Variants in TNNI3K observed in about 807,000 individuals in gnomAD.
TNNI3K encodes the protein serine/threonine-protein kinase TNNI3K.
Under a neutral mutation model 114.5 loss-of-function variants are expected in TNNI3K, and 140 were observed. The observed-to-expected ratio is 1.22, with a 90% CI of 1.07 to 1.41. The LOEUF is 1.41. Among genes scored for constraint, TNNI3K ranks in the 40% most tolerant of loss-of-function variants. The pLI is 0.00. For synonymous variants in TNNI3K, 347 were observed against 347.5 expected (o/e 1.00, Z 0.02); for missense variants, 1,125 against 1,007.6 (o/e 1.12, Z -1.58).
At position 74,303,494 on chromosome 1, in the gene TNNI3K, G is replaced by A. The variant is rs1557485465; in HGVS notation, c.445-27956G>A. ...TACTGAATATTTTAAGCCCACTGTT[G>A]AGACCCACTACTCAGGGAAAAAAAA... On this transcript the variant is annotated intron_variant, in intron 5 of 24. Coordinates refer to ENST00000326637, the MANE Select transcript of TNNI3K (RefSeq NM_015978.3). 3.3e-5 allele frequency among the ~76,000 whole-genome samples: 5 copies of A among 152,006 alleles called. No homozygotes were observed. In the South Asian group the frequency reaches 1.0e-3, roughly 32 times the overall value.
chr1:74,534,271 A>C (rs1040230394), intron 23 of TNNI3K, among the ~76,000 whole-genome samples: 1 of 152,120 alleles, frequency 6.6e-6, no homozygotes, highest in African/African-American at 2.4e-5. Flanking sequence ...TAATTCACCA[A>C]ATCAAAGTTC....
At chr1:74,380,098 C>T (rs1346827299) in intron 17 of TNNI3K, among the ~76,000 whole-genome samples, 1 of 152,122 alleles carries the variant, frequency 6.6e-6, no homozygotes, top group East Asian at 1.9e-4. Context: ...GACAAATTTA[C>T]CATCTCTTAC....
chr1:74,443,128 C>A (rs1382994668), intron 20 of TNNI3K, among the ~76,000 whole-genome samples: 1 of 151,958 alleles, frequency 6.6e-6, no homozygotes, highest in Non-Finnish European at 1.5e-5. Context: ...AAAACAACCA[C>A]CAAAGCTAGC....
chr1:74,274,214 A>T (rs1270291238), intron 5 of TNNI3K, among the ~76,000 whole-genome samples: 1 of 152,014 alleles, frequency 6.6e-6, no homozygotes, highest in African/African-American at 2.4e-5. Context: ...TAGAAAATAT[A>T]TTTACTATTT....
chr1:74,516,333 T>C (rs1431627516), intron 23 of TNNI3K, among the ~76,000 whole-genome samples: 1 of 152,210 alleles, frequency 6.6e-6, no homozygotes, highest in East Asian at 1.9e-4. Context: ...AATTTCTAGA[T>C]ATGTTGCTAA....
intron 7 of TNNI3K, among the ~76,000 whole-genome samples, chr1:74,337,398 T>C (rs1253448991): frequency 6.6e-6 from 1 of 151,930 alleles, no homozygotes; most frequent in Non-Finnish European, 1.5e-5. Context: ...CCATTGCTTT[T>C]GGTGTTTTAG....
intron 20 of TNNI3K, among the ~76,000 whole-genome samples, chr1:74,456,552 C>T (rs1460349569): frequency 6.6e-6 from 1 of 152,190 alleles, no homozygotes; most frequent in African/African-American, 2.4e-5. Context: ...ATGAATTAAT[C>T]CATCAATATG....
At chr1:74,439,659 A>T in intron 20 of TNNI3K, 37 bp downstream of exon 20, 1 of 1,607,336 alleles carries the variant, frequency 6.2e-7, no homozygotes, top group Non-Finnish European at 8.5e-7. Context: ...CCTGTTTTAC[A>T]GAGTTCACTG....
At chr1:74,396,960 T>C (rs1221656930) in intron 17 of TNNI3K, among the ~76,000 whole-genome samples, 2 of 151,962 alleles carry the variant, frequency 1.3e-5, no homozygotes, top group African/African-American at 2.4e-5. Context: ...GAGAAAACGA[T>C]TGAGGAATTA....
chr1:74,358,273 G>A (rs987093341), intron 11 of TNNI3K, among the ~76,000 whole-genome samples: 5 of 152,084 alleles, frequency 3.3e-5, no homozygotes, highest in Non-Finnish European at 7.4e-5. Context: ...TTTGTATACA[G>A]CAAAGGCGCC....
At chr1:74,315,941 G>T (rs1015298629) in intron 5 of TNNI3K, among the ~76,000 whole-genome samples, 2 of 152,204 alleles carry the variant, frequency 1.3e-5, no homozygotes, top group Non-Finnish European at 2.9e-5. Flanking sequence ...TAGGATAATT[G>T]TAGAAATTGA....
chr1:74,358,738 A>G (rs776348589), intron 11 of TNNI3K, among the ~76,000 whole-genome samples: 1 of 151,990 alleles, frequency 6.6e-6, no homozygotes, highest in Admixed American at 6.6e-5. Flanking sequence ...ATCTTCTTAC[A>G]TGTTTAGCTG....
At chr1:74,531,731 T>G (rs1024998471) in intron 23 of TNNI3K, among the ~76,000 whole-genome samples, 7 of 152,210 alleles carry the variant, frequency 4.6e-5, no homozygotes, top group African/African-American at 1.7e-4. Flanking sequence ...TCTGTTTAAG[T>G]ATTATTGTAT....
intron 18 of TNNI3K, 80 bp from the exon 19 acceptor site, chr1:74,436,394 G>A: frequency 1.4e-6 from 2 of 1,458,796 alleles, no homozygotes; most frequent in Non-Finnish European, 1.8e-6. Flanking sequence ...GTCTCTTGAG[G>A]TTTCAAAATT....
At chr1:74,446,656 G>GGGTTTTA (rs1262304129) in intron 20 of TNNI3K, among the ~76,000 whole-genome samples, 4 of 149,960 alleles carry the variant, frequency 2.7e-5, no homozygotes. Context: ...TTTTCTTCTA[G>GGGTTTTA]GGTTTTTATG....
At chr1:74,432,748 C>A (rs776802716) in intron 17 of TNNI3K, among the ~76,000 whole-genome samples, 8 of 151,964 alleles carry the variant, frequency 5.3e-5, no homozygotes, top group Middle Eastern at 3.2e-3. Flanking sequence ...AGCTGGTAGG[C>A]CTGACTTCAC....
chr1:74,504,945 C>T (rs1188755707), intron 23 of TNNI3K, among the ~76,000 whole-genome samples: 1 of 152,054 alleles, frequency 6.6e-6, no homozygotes, highest in Non-Finnish European at 1.5e-5. Context: ...GAAGATTCGC[C>T]GGAGGCAAAC....
chr1:74,369,455 C>G lies in TNNI3K; in HGVS notation c.1537C>G (p.Leu513Val). 6.2e-7 allele frequency: 1 copy of G among 1,612,686 alleles called. No individual in the cohort carries two copies. Among genetic ancestry groups the G allele is most frequent in the Non-Finnish European group, 8.5e-7 (1 of 1,179,192 alleles). ...VDMFCREVSI[L>V]CQLNHPCVIQ... ...TATGTTTTGCCGAGAGGTGTCCATT[C>G]TCTGCCAGCTCAATCATCCCTGCGT... is the stretch of plus-strand genomic sequence containing the variant. The change falls in exon 16 of 25, where the codon CTC becomes GTC. Residue 513 changes from leucine to valine, a missense_variant. By Grantham distance (32) the Leu-to-Val change is conservative. Coordinates refer to ENST00000326637, the MANE Select transcript of TNNI3K (RefSeq NM_015978.3).
At chr1:74,452,243 A>G (rs529378612) in intron 20 of TNNI3K, among the ~76,000 whole-genome samples, 30 of 152,266 alleles carry the variant, frequency 2.0e-4, no homozygotes, top group African/African-American at 7.0e-4. Flanking sequence ...ACCACAAAAA[A>G]TTACTGTGAG....
Sources: allele counts gnomAD v4.1 joint callset (sites outside exome capture counted in the v4.1 genomes callset), GRCh38; gene constraint gnomAD v4.1.1; transcripts MANE v1.5; gene names NCBI Gene and HGNC (gene_info 2026-07-23, HGNC 2026-07-21).